Variants in LRRC37A observed in about 807,000 individuals in gnomAD.
The protein encoded by LRRC37A is leucine rich repeat containing 37A.
Under a neutral mutation model 35.4 loss-of-function variants are expected in LRRC37A, and 3 were observed. The observed-to-expected ratio is 0.08, with a 90% CI of 0.04 to 0.22. LRRC37A has a LOEUF of 0.22. Among genes scored for constraint, LRRC37A ranks in the 10% least tolerant of loss-of-function variants. The probability of loss-of-function intolerance (pLI) is 1.00; values close to 1 mark genes in which losing one functional copy is unlikely to be tolerated. For synonymous variants in LRRC37A, 23 were observed against 215.0 expected (o/e 0.11, Z 7.81); for missense variants, 67 against 565.3 (o/e 0.12, Z 8.94).
the LRRC37A span, among the ~76,000 whole-genome samples, chr17:46,277,258 C>T: frequency 6.6e-6 from 1 of 152,234 alleles, no homozygotes; most frequent in East Asian, 1.9e-4. Context: ...TATGCGGGCC[C>T]AGCCTAGGTC....
At chr17:46,282,014 C>G in the LRRC37A span, among the ~76,000 whole-genome samples, 4 of 151,992 alleles carry the variant, frequency 2.6e-5, no homozygotes, top group Non-Finnish European at 4.4e-5. Context: ...GCTTCCTTGC[C>G]TATATATATA....
the LRRC37A span, among the ~76,000 whole-genome samples, chr17:46,273,029 G>T: frequency 6.6e-6 from 1 of 152,032 alleles, no homozygotes; most frequent in Non-Finnish European, 1.5e-5. Context: ...ACATACAAAA[G>T]AATTGCTGTT....
chr17:46,278,783 C>T, the LRRC37A span, among the ~76,000 whole-genome samples: 1 of 150,430 alleles, frequency 6.6e-6, no homozygotes, highest in Non-Finnish European at 1.5e-5. Context: ...AAGTTGAAAA[C>T]CAATGTCATT....
upstream of LRRC37A, among the ~76,000 whole-genome samples, chr17:46,291,969 C>CAAAAAA (rs59554870): frequency 2.2e-3 from 126 of 58,000 alleles, no homozygotes; most frequent in Non-Finnish European, 3.0e-3. Context: ...TCTCAAAAAG[C>CAAAAAA]AAAAAAAAAA....
At chr17:46,278,047 G>C in the LRRC37A span, among the ~76,000 whole-genome samples, 2 of 152,040 alleles carry the variant, frequency 1.3e-5, no homozygotes, top group Non-Finnish European at 2.9e-5. Context: ...CCACGTTCAA[G>C]TGATTCTTCT....
At chr17:46,273,908 G>A in the LRRC37A span, among the ~76,000 whole-genome samples, 4 of 152,220 alleles carry the variant, frequency 2.6e-5, no homozygotes, top group Non-Finnish European at 5.9e-5. Context: ...TCTGTAATTG[G>A]TAATTTGCCC....
the LRRC37A span, among the ~76,000 whole-genome samples, chr17:46,278,717 T>A: frequency 1.3e-5 from 2 of 152,300 alleles, no homozygotes; most frequent in African/African-American, 4.8e-5. Context: ...CAAGTTTTAT[T>A]TCCCTATAAT....
the LRRC37A span, among the ~76,000 whole-genome samples, chr17:46,264,247 A>AG: frequency 4.0e-5 from 6 of 151,392 alleles, no homozygotes; most frequent in East Asian, 1.2e-3. Flanking sequence ...TACATGTGTG[A>AG]GCCACTGAGC....
chr17:46,267,298 T>C, the LRRC37A span: 1 of 1,301,490 alleles, frequency 7.7e-7, no homozygotes, highest in Non-Finnish European at 1.0e-6. Context: ...GGAACTGGGG[T>C]TCCCAAACTG....
At chr17:46,254,720 T>C in the LRRC37A span, among the ~76,000 whole-genome samples, 1 of 150,908 alleles carries the variant, frequency 6.6e-6, no homozygotes, top group Non-Finnish European at 1.5e-5. Flanking sequence ...TTTTTTTTTT[T>C]AGTAGAGGCG....
At chr17:46,267,725 GGCA>G in the LRRC37A span, among the ~76,000 whole-genome samples, 1 of 152,052 alleles carries the variant, frequency 6.6e-6, no homozygotes, top group East Asian at 1.9e-4. Context: ...GGGTGAGAAC[GGCA>G]GCTGTTGGCA....
At chr17:46,287,274 G>C in the LRRC37A span, among the ~76,000 whole-genome samples, 2 of 152,240 alleles carry the variant, frequency 1.3e-5, no homozygotes, top group East Asian at 3.8e-4. Context: ...TCCTCTGAAT[G>C]AATGTGTGCA....
At chr17:46,333,156 G>C (rs1163460115) in intron 10 of LRRC37A, among the ~76,000 whole-genome samples, 1 of 107,054 alleles carries the variant, frequency 9.3e-6, no homozygotes, top group African/African-American at 2.9e-5. Flanking sequence ...TGTCTAAATA[G>C]GTCCAGTTAA....
At chr17:46,260,620 C>CTTT in the LRRC37A span, 22,351 of 1,057,142 alleles carry the variant, frequency 0.021, 21 homozygotes, top group East Asian at 0.065. Flanking sequence ...TCTCTATTCT[C>CTTT]TTTTTTTTTT....
chr17:46,280,656 C>T, the LRRC37A span, among the ~76,000 whole-genome samples: 2 of 148,680 alleles, frequency 1.3e-5, no homozygotes, highest in African/African-American at 5.0e-5. Flanking sequence ...TCATTGCAGC[C>T]TCTGCCTCCC....
At chr17:46,253,608 G>A in the LRRC37A span, among the ~76,000 whole-genome samples, 5 of 152,278 alleles carry the variant, frequency 3.3e-5, no homozygotes, top group African/African-American at 9.6e-5. Context: ...AACCAGTCAG[G>A]CGTGGCGGCG....
the LRRC37A span, among the ~76,000 whole-genome samples, chr17:46,252,188 TG>T: frequency 6.6e-6 from 1 of 151,010 alleles, no homozygotes; most frequent in African/African-American, 2.4e-5. Context: ...AGGTATTTAC[TG>T]GGGTCACCAT....
upstream of LRRC37A, among the ~76,000 whole-genome samples, chr17:46,288,092 T>C (rs2049966227): frequency 1.3e-5 from 2 of 152,144 alleles, no homozygotes; most frequent in African/African-American, 2.4e-5. Flanking sequence ...AAGCTTCAAA[T>C]TGACCTGCTT....
At position 46,323,283 on chromosome 17, in the gene LRRC37A, CCT is replaced by C. The variant is rs1293830743; in HGVS notation, c.3053+257_3053+258del. On this transcript the variant is annotated intron_variant, in intron 7 of 13. Transcript: ENST00000320254. Reference sequence around the variant, plus strand: ...CAATCCCATCCTCCCACCATCAGCCCCTGTTAGCTACTAATCTGATTTCTGTT... The same window carrying C: ...CAATCCCATCCTCCCACCATCAGCCCGTTAGCTACTAATCTGATTTCTGTT... 6.2e-5 allele frequency among the ~76,000 whole-genome samples: 3 copies of C among 48,502 alleles called. 1 individual carries two copies. Among genetic ancestry groups the C allele is most frequent in the Non-Finnish European group, 1.5e-4 (3 of 20,262 alleles). The allele number at this position is 48,502 out of a possible 152,430, so 31.8% of individuals were successfully genotyped here.
Sources: allele counts gnomAD v4.1 joint callset (sites outside exome capture counted in the v4.1 genomes callset), GRCh38; gene constraint gnomAD v4.1.1; transcripts MANE v1.5; gene names NCBI Gene and HGNC (gene_info 2026-07-23, HGNC 2026-07-21).